The following WDR7 variants were observed in gnomAD, a reference collection of about 807,000 sequenced individuals.
The protein encoded by WDR7 is WD repeat domain 7.
Under a neutral mutation model 169.4 loss-of-function variants are expected in WDR7, and 46 were observed. The ratio of observed to expected loss-of-function variants is 0.27; its 90% CI spans 0.21 to 0.35. The LOEUF is 0.35. Among genes scored for constraint, WDR7 ranks in the 10% least tolerant of loss-of-function variants. The probability of loss-of-function intolerance (pLI) is 1.00; values close to 1 mark genes in which losing one functional copy is unlikely to be tolerated. For synonymous variants in WDR7, 612 were observed against 666.8 expected (o/e 0.92, Z 1.27); for missense variants, 1,534 against 1,859.3 (o/e 0.83, Z 3.22).
chr18:56,815,950 T>G, intron 19 of WDR7, 81 bp from the exon 20 acceptor site: 2 of 1,172,066 alleles, frequency 1.7e-6, no homozygotes, highest in Non-Finnish European at 2.4e-6. Context: ...GTCCATTAAG[T>G]AAATTAAAAA....
intron 25 of WDR7, among the ~76,000 whole-genome samples, chr18:56,958,283 G>A (rs2047285424): frequency 2.0e-5 from 3 of 152,018 alleles, no homozygotes; most frequent in South Asian, 2.1e-4. Flanking sequence ...AATACATCTC[G>A]GAAGAACTGG....
At chr18:56,820,359 A>AAAAAAAAAAACAAAAAC (rs1044771844) in intron 20 of WDR7, among the ~76,000 whole-genome samples, 1 of 127,464 alleles carries the variant, frequency 7.8e-6, no homozygotes, top group African/African-American at 3.5e-5. Flanking sequence ...AAAAAAAAAA[A>AAAAAAAAAAACAAAAAC]AAAAACCACC....
chr18:56,739,882 T>A (rs2043589177), intron 14 of WDR7, among the ~76,000 whole-genome samples: 1 of 151,686 alleles, frequency 6.6e-6, no homozygotes, highest in Admixed American at 6.6e-5. Context: ...TGTGATTTTT[T>A]TTTTTTTTTG....
chr18:56,661,191 G>A (rs1402788861), intron 1 of WDR7, among the ~76,000 whole-genome samples: 1 of 152,142 alleles, frequency 6.6e-6, no homozygotes, highest in Non-Finnish European at 1.5e-5. Flanking sequence ...AAATTGGAAT[G>A]ACTGGAGATG....
At chr18:57,003,664 A>G (rs1282799155) in intron 26 of WDR7, among the ~76,000 whole-genome samples, 2 of 152,134 alleles carry the variant, frequency 1.3e-5, no homozygotes, top group Non-Finnish European at 2.9e-5. Context: ...TTTGGATCAC[A>G]CGAATCTTTC....
chr18:56,935,896 A>G lies in WDR7; in HGVS notation c.3822A>G (p.Ile1274Met). The stretch of plus-strand genomic sequence containing the variant: ...GACCACCCGCCTTCATCACCACCAT[A>G]GCCAAAGAGGTGAGCGGAACTTCTC... ...TARPPAFITT[I>M]AKEVHRHTAL... Residue 1274 changes from isoleucine (I) to methionine (M), a missense_variant, in exon 23 of 28, where the codon ATA becomes ATG. Coordinates refer to ENST00000254442, the MANE Select transcript of WDR7 (RefSeq NM_015285.3). 6.2e-7 allele frequency: 1 copy of G among 1,613,692 alleles called. No individual in the cohort carries two copies. Among genetic ancestry groups the G allele is most frequent in the Non-Finnish European group, 8.5e-7 (1 of 1,179,816 alleles).
In WDR7 at chr18:57,015,104, T is replaced by C. The variant is rs77164052; in HGVS notation, c.4165-5641T>C. On this transcript the variant is annotated intron_variant, in intron 26 of 27. Coordinates refer to ENST00000254442, the MANE Select transcript of WDR7 (RefSeq NM_015285.3). ...CAGGGGAGATGTGGGAATCTTTCTC[T>C]GGAGATATCTGAAAACAGAATAGAT... 8.2e-3 allele frequency among the ~76,000 whole-genome samples: 1,248 copies of C among 152,338 alleles called. 16 individuals are homozygous for C. Among genetic ancestry groups the C allele is most frequent in the African/African-American group, 0.029 (1,187 of 41,570 alleles).
At chr18:56,846,756 C>T (rs193244409) in intron 20 of WDR7, among the ~76,000 whole-genome samples, 406 of 152,286 alleles carry the variant, frequency 2.7e-3, no homozygotes, top group African/African-American at 9.2e-3. Flanking sequence ...TGCACCTGCT[C>T]CTCCTTCACC....
rs7244189 is a variant in WDR7, at chr18:56,816,604, G to C, written c.3304+460G>C. Among the ~76,000 whole-genome samples, 1,145 of 152,186 alleles carry C rather than the reference G, an allele frequency of 7.5e-3. 15 individuals carry two copies. Among genetic ancestry groups the C allele is most frequent in the African/African-American group, 0.027 (1,103 of 41,528 alleles). On this transcript the variant is annotated intron_variant, in intron 20 of 27. Transcript: ENST00000254442. ...AAGTGAATGCTGCTTTTTAATTGTTGGGCCACTGAACATTCTTATCTGTAT... is the reference window on the plus strand; with the variant it reads ...AAGTGAATGCTGCTTTTTAATTGTTCGGCCACTGAACATTCTTATCTGTAT...
intron 26 of WDR7, among the ~76,000 whole-genome samples, chr18:56,996,471 T>A (rs1023079097): frequency 6.6e-6 from 1 of 152,234 alleles, no homozygotes; most frequent in Non-Finnish European, 1.5e-5. Flanking sequence ...CGACCAAATT[T>A]ATCAGAGAGA....
intron 10 of WDR7, 77 bp downstream of exon 10, chr18:56,694,837 T>C (rs1342325384): frequency 3.1e-5 from 48 of 1,529,886 alleles, no homozygotes; most frequent in Non-Finnish European, 4.0e-5. Flanking sequence ...ACATTCATAA[T>C]GTACATATAT....
chr18:56,831,493 T>C (rs982749512), intron 20 of WDR7, among the ~76,000 whole-genome samples: 1 of 151,882 alleles, frequency 6.6e-6, no homozygotes, highest in Non-Finnish European at 1.5e-5. Flanking sequence ...CGAACAAAGG[T>C]AGCGCAAGTG....
At chr18:56,789,581 G>A (rs1238696427) in intron 19 of WDR7, among the ~76,000 whole-genome samples, 6 of 152,186 alleles carry the variant, frequency 3.9e-5, no homozygotes, top group African/African-American at 9.7e-5. Flanking sequence ...GTGAGGAGAT[G>A]GGGGAGTCCA....
intron 26 of WDR7, among the ~76,000 whole-genome samples, chr18:57,014,967 A>C (rs980050401): frequency 6.6e-6 from 1 of 152,144 alleles, no homozygotes; most frequent in Non-Finnish European, 1.5e-5. Flanking sequence ...CTCCATCTCT[A>C]CTGAGGCCAG....
intron 21 of WDR7, among the ~76,000 whole-genome samples, chr18:56,883,392 T>C (rs2046139776): frequency 6.6e-6 from 1 of 152,134 alleles, no homozygotes. Context: ...ATTGTGTTAT[T>C]TGTGAATTAG....
intron 26 of WDR7, among the ~76,000 whole-genome samples, chr18:56,972,979 T>A (rs1459025829): frequency 1.3e-5 from 2 of 152,226 alleles, no homozygotes; most frequent in Admixed American, 6.5e-5. Flanking sequence ...TTCTCCTGCC[T>A]CAGCTGCCTA....
chr18:56,673,777 T>A (rs1202031692), intron 2 of WDR7, among the ~76,000 whole-genome samples: 1 of 151,798 alleles, frequency 6.6e-6, no homozygotes, highest in Admixed American at 6.6e-5. Context: ...TCCAGGCTAC[T>A]CGTACCACTG....
At chr18:56,993,981 CTT>C (rs1269754248) in intron 26 of WDR7, among the ~76,000 whole-genome samples, 1 of 148,612 alleles carries the variant, frequency 6.7e-6, no homozygotes, top group Non-Finnish European at 1.5e-5. Flanking sequence ...ATCTGTTACT[CTT>C]TATTTATTTT....
At chr18:56,959,622 G>A (rs957636259) in intron 25 of WDR7, among the ~76,000 whole-genome samples, 3 of 152,074 alleles carry the variant, frequency 2.0e-5, no homozygotes, top group Non-Finnish European at 4.4e-5. Flanking sequence ...TTTCCAGAAG[G>A]CTCAACACAC....
Sources: allele counts gnomAD v4.1 joint callset (sites outside exome capture counted in the v4.1 genomes callset), GRCh38; gene constraint gnomAD v4.1.1; transcripts MANE v1.5; gene names NCBI Gene and HGNC (gene_info 2026-07-23, HGNC 2026-07-21).